ATP12A: variants seen among roughly 807,000 people sequenced by gnomAD.
The protein encoded by ATP12A is ATPase H+/K+ transporting non-gastric alpha2 subunit.
Under a neutral mutation model 111.2 loss-of-function variants are expected in ATP12A, and 81 were observed. The ratio of observed to expected loss-of-function variants is 0.73; its 90% CI spans 0.61 to 0.88. ATP12A has a LOEUF of 0.88. ATP12A is among the 40% of genes least tolerant of loss of function. The pLI is 0.00. For missense variants in ATP12A, 1,196 were observed against 1,313.1 expected (o/e 0.91, Z 1.38); for synonymous variants, 498 against 499.8 (o/e 1.00, Z 0.05).
At position 24,692,841 on chromosome 13, in the gene ATP12A, C is replaced by T. The variant is rs1420780266; in HGVS notation, c.1322C>T (p.Thr441Ile). 2 of 1,614,210 alleles carry T rather than the reference C, an allele frequency of 1.2e-6. No individual in the cohort carries two copies. Among genetic ancestry groups the T allele is most frequent in the Non-Finnish European group, 8.5e-7 (1 of 1,180,034 alleles). Residue 441 changes from threonine to isoleucine, a missense_variant, in exon 10 of 23, where the codon ACA becomes ATA. Thr to Ile is a moderately conservative substitution (Grantham distance 89). Coordinates refer to ENST00000381946, the MANE Select transcript of ATP12A (RefSeq NM_001676.7). ...RTWASLSKII[T>I]LCNRAEFKPG... is the part of the protein sequence containing the mutation. The stretch of plus-strand genomic sequence containing the variant: ...TGGGCCTCCTTATCCAAGATAATAA[C>T]ATTGTGTAACCGAGCAGAGTTCAAG...
rs1566077240 is a variant in ATP12A at position 24,706,377 on chromosome 13, G to A, written c.2083G>A (p.Glu695Lys). The change falls in exon 15 of 23, where the codon GAG (glutamate) becomes AAG (lysine). Residue 695 changes from glutamate (E) to lysine (K), a missense_variant. This residue lies in a region of ATP12A where 1,126 missense variants were observed against 1,228.5 expected (regional missense o/e 0.92). Coordinates refer to ENST00000381946, the MANE Select transcript of ATP12A (RefSeq NM_001676.7). ...LKDMSSEQLD[E>K]ILANYQEIVF... ...GGACATGAGCTCAGAACAGCTGGAT[G>A]AGATCTTAGCCAACTACCAGGAGAT... is the stretch of plus-strand genomic sequence containing the variant. 6.2e-7 allele frequency: 1 copy of A among 1,614,254 alleles called. No homozygotes were observed.
intron 19 of ATP12A, 31 bp downstream of exon 19, chr13:24,709,859 AC>A (rs780561342): frequency 2.9e-5 from 46 of 1,611,188 alleles, no homozygotes; most frequent in Middle Eastern, 1.7e-4. Context: ...TGCAGAGTCC[AC>A]CTGATTCTCT....
intron 12 of ATP12A, among the ~76,000 whole-genome samples, chr13:24,700,180 GC>G (rs1875332483): frequency 6.6e-6 from 1 of 152,150 alleles, no homozygotes; most frequent in African/African-American, 2.4e-5. Flanking sequence ...GGATGGCTCG[GC>G]CCCATTCCTG....
At chr13:24,693,832 G>GT (rs1875011720) in intron 10 of ATP12A, among the ~76,000 whole-genome samples, 1 of 152,208 alleles carries the variant, frequency 6.6e-6, no homozygotes, top group African/African-American at 2.4e-5. Context: ...CATAACTTTA[G>GT]TATTTGTCAG....
Position 24,710,491 on chromosome 13 carries a change from C to T in ATP12A, c.2795C>T (p.Thr932Met), listed in dbSNP as rs570944775. 18 of 1,614,134 alleles carry T rather than the reference C, an allele frequency of 1.1e-5. No homozygotes were observed. The highest frequency in any genetic ancestry group is 1.6e-4 in the Middle Eastern group (1 of 6,062). Residue 932 changes from threonine to methionine, a missense_variant, in exon 20 of 23, where the codon ACG becomes ATG. By Grantham distance (81) the Thr-to-Met change is moderately conservative. Coordinates refer to ENST00000381946, the MANE Select transcript of ATP12A (RefSeq NM_001676.7). Reference protein sequence around the residue: ...TRYQREYLEWTGYTAFFVGIL... With the variant: ...TRYQREYLEWMGYTAFFVGIL... The stretch of plus-strand genomic sequence containing the variant: ...TACCAGAGGGAATACCTAGAATGGA[C>T]GGGCTACACGGCTTTCTTTGTTGGC...
Position 24,691,097 on chromosome 13 carries a change from C to A in ATP12A, c.915C>A (p.His305Gln), listed in dbSNP as rs1262245169. The A allele has an allele frequency of 7.4e-6, 12 of 1,614,238 alleles. No homozygotes were observed. The highest frequency in any genetic ancestry group is 1.0e-5 in the Non-Finnish European group (12 of 1,180,048). Reference sequence around the variant, plus strand: ...CGCCCATTGCCATTGAGATCGAGCACTTTGTTCACATTGTGGCAGGAGTGG... The same window carrying A: ...CGCCCATTGCCATTGAGATCGAGCAATTTGTTCACATTGTGGCAGGAGTGG... Reference protein sequence around the residue: ...EKTPIAIEIEHFVHIVAGVAV... With the variant: ...EKTPIAIEIEQFVHIVAGVAV... The change falls in exon 8 of 23, where the codon CAC (histidine) becomes CAA (glutamine). Residue 305 changes from histidine (H) to glutamine (Q), a missense_variant. Physicochemically the swap from His to Gln is conservative, Grantham distance 24. Transcript: ENST00000381946.
intron 11 of ATP12A, among the ~76,000 whole-genome samples, chr13:24,696,718 C>CAAAAAAA (rs1199522203): frequency 9.1e-5 from 3 of 33,022 alleles, no homozygotes; most frequent in Non-Finnish European, 1.7e-4. Context: ...GACTCCGTCT[C>CAAAAAAA]AAAAAAAAAA....
chr13:24,705,215 A>G (rs1405778985), intron 14 of ATP12A, among the ~76,000 whole-genome samples: 1 of 152,210 alleles, frequency 6.6e-6, no homozygotes, highest in African/African-American at 2.4e-5. Context: ...CGAGAAGCTG[A>G]GGTGAGAGAT....
At chr13:24,686,803 G>A (rs1162920926) in intron 3 of ATP12A, among the ~76,000 whole-genome samples, 1 of 151,964 alleles carries the variant, frequency 6.6e-6, no homozygotes, top group Non-Finnish European at 1.5e-5. Flanking sequence ...ATTGCAGAGA[G>A]ACACAACCAG....
chr13:24,689,680 T>C (rs1379991113), intron 5 of ATP12A, among the ~76,000 whole-genome samples: 1 of 152,174 alleles, frequency 6.6e-6, no homozygotes, highest in African/African-American at 2.4e-5. Flanking sequence ...GTTCTTTCAC[T>C]GGCAGCCAAG....
chr13:24,688,288 G>T, intron 3 of ATP12A, 31 bp from the exon 4 acceptor site: 1 of 1,584,064 alleles, frequency 6.3e-7, no homozygotes, highest in South Asian at 1.2e-5. Context: ...ATTTGTTTTG[G>T]TTGTGCATGT....
intron 17 of ATP12A, among the ~76,000 whole-genome samples, chr13:24,707,769 C>G (rs1254210207): frequency 6.6e-6 from 1 of 152,194 alleles, no homozygotes; most frequent in Non-Finnish European, 1.5e-5. Flanking sequence ...ACCTCCGCCT[C>G]CCAGGCTCAA....
Position 24,707,072 on chromosome 13 carries a change from T to C in ATP12A, c.2219T>C (p.Leu740Pro). 2 of 1,613,950 alleles carry C rather than the reference T, an allele frequency of 1.2e-6. No homozygotes were observed. The highest frequency in any genetic ancestry group is 2.2e-5 in the East Asian group (1 of 44,870). ...TGDGVNDSPA[L>P]KKADIGIAMG... ...GATGGAGTTAATGACTCTCCGGCTC[T>C]AAAGAAGGCAGACATTGGGATTGCC... Residue 740 changes from leucine to proline, a missense_variant, in exon 16 of 23, where the codon CTA becomes CCA. By Grantham distance (98) the Leu-to-Pro change is moderately conservative. Coordinates refer to ENST00000381946, the MANE Select transcript of ATP12A (RefSeq NM_001676.7).
At chr13:24,710,730 C>A (rs1875929428) in intron 20 of ATP12A, 62 bp from the exon 21 acceptor site, 3 of 1,600,478 alleles carry the variant, frequency 1.9e-6, no homozygotes, top group South Asian at 1.1e-5. Flanking sequence ...GCATGGTCTG[C>A]TGGGTGTATG....
Position 24,682,140 on chromosome 13 carries a change from ATG to A in ATP12A, c.168+427_168+428del, listed in dbSNP as rs1220364932. 8.3e-5 allele frequency among the ~76,000 whole-genome samples: 3 copies of A among 36,136 alleles called. 1 individual carries two copies. Among genetic ancestry groups the A allele is most frequent in the Admixed American group, 3.2e-4 (1 of 3,166 alleles). 23.7% of individuals were successfully genotyped at this position (36,136 alleles called of 152,430 possible). On this transcript the variant is annotated intron_variant, in intron 2 of 22. Transcript: ENST00000381946. ...TGTGGTGTGTGTGTGTGGTGTGTAT[ATG>A]TGTGTGGTGTGTGTGTGGTGTGTGT... is the stretch of plus-strand genomic sequence containing the variant.
At position 24,683,433 on chromosome 13, in the gene ATP12A, A is replaced by T. The variant is rs149351263; in HGVS notation, c.168+1713A>T. Among the ~76,000 whole-genome samples the T allele has an allele frequency of 1.2e-4, 18 of 152,320 alleles. No homozygotes were observed. In the East Asian group the frequency reaches 2.7e-3, roughly 23 times the overall value. ...CTGAGGGGAGTCTCTTTTGTGCTAG[A>T]GAGCCATTTGTTAAGTATTCAGAAA... On this transcript the variant is annotated intron_variant, in intron 2 of 22. Coordinates refer to ENST00000381946, the MANE Select transcript of ATP12A (RefSeq NM_001676.7).
Position 24,685,220 on chromosome 13 carries a change from C to A in ATP12A, c.169-94C>A. 1 of 1,191,520 alleles carries A rather than the reference C, an allele frequency of 8.4e-7. No homozygotes were observed. The highest frequency in any genetic ancestry group is 1.3e-6 in the Non-Finnish European group (1 of 798,504). 73.8% of individuals were successfully genotyped at this position (1,191,520 alleles called of 1,614,324 possible). A position where few individuals can be genotyped will look rare whatever the true frequency, so the allele number is the denominator to read the frequency against. ...CCTCGATCCCCTCCCATCCTCAGGG[C>A]TGCTACTCCCAGCTTCCATGGCTGG... On this transcript the variant is annotated intron_variant, in intron 2 of 22. Transcript: ENST00000381946. The surrounding 1 kb of genome is among the most constrained non-coding windows in gnomAD (Gnocchi z 5.5).
rs1874957290 is a variant in ATP12A, at chr13:24,692,587, C to T, written c.1227C>T (p.Asp409=). 1 of 1,613,920 alleles carries T rather than the reference C, an allele frequency of 6.2e-7. No individual in the cohort carries two copies. The highest frequency in any genetic ancestry group is 1.1e-5 in the South Asian group (1 of 91,086). ...NRMTVAHLWF[D]NQIFVADTSE... is the part of the protein sequence containing the mutation. The stretch of plus-strand genomic sequence containing the variant: ...TGACAGTGGCCCATCTGTGGTTCGA[C>T]AATCAGATCTTTGTGGCTGACACCA... The change falls in exon 9 of 23, where the codon GAC becomes GAT. Residue 409 remains aspartate (D), a synonymous_variant. Coordinates refer to ENST00000381946, the MANE Select transcript of ATP12A (RefSeq NM_001676.7).
intron 4 of ATP12A, 29 bp from the exon 5 acceptor site, chr13:24,689,233 C>A: frequency 1.3e-6 from 2 of 1,599,338 alleles, no homozygotes; most frequent in Non-Finnish European, 1.7e-6. Context: ...CTGCTGGTTT[C>A]TCTGACTGAC....
Sources: gnomAD v4.1 joint callset for allele counts (sites outside exome capture counted in the v4.1 genomes callset) on GRCh38, gnomAD v4.1.1 for gene constraint, gnomAD v4.1.1 regional missense constraint, Gnocchi (gnomAD v3.1) non-coding constraint, MANE v1.5 for transcripts, NCBI Gene and HGNC (gene_info 2026-07-23, HGNC 2026-07-21) for gene names.